The following EPB41L2 variants were observed in gnomAD, a reference collection of about 807,000 sequenced individuals.
EPB41L2 encodes the protein band 4.1-like protein 2.
EPB41L2 carries 43 observed loss-of-function variants against 113.0 expected under a neutral mutation model. The observed-to-expected ratio is 0.38, with a 90% CI of 0.30 to 0.49. EPB41L2 has a LOEUF of 0.49. EPB41L2 is among the 20% of genes least tolerant of loss of function. The pLI is 0.95. For synonymous variants in EPB41L2, 442 were observed against 436.7 expected (o/e 1.01, Z -0.15); for missense variants, 1,147 against 1,223.4 (o/e 0.94, Z 0.93).
At chr6:130,909,274 T>C (rs1472448279) in intron 4 of EPB41L2, among the ~76,000 whole-genome samples, 3 of 152,208 alleles carry the variant, frequency 2.0e-5, no homozygotes, top group South Asian at 4.1e-4. Flanking sequence ...ATTGAAACTG[T>C]TGGCTAAAAG....
chr6:130,883,232 A>C (rs1432549135), intron 12 of EPB41L2: 1 of 152,676 alleles, frequency 6.5e-6, no homozygotes, highest in Non-Finnish European at 1.5e-5. Flanking sequence ...CAAAGGAAAA[A>C]CAGATGCAAG....
intron 1 of EPB41L2, among the ~76,000 whole-genome samples, chr6:130,958,961 C>A (rs1818433787): frequency 6.6e-6 from 1 of 152,200 alleles, no homozygotes; most frequent in Non-Finnish European, 1.5e-5. Context: ...AGCAGAAAGA[C>A]ATCCAGGAGA....
At chr6:130,848,510 A>G (rs901679092) in intron 19 of EPB41L2, among the ~76,000 whole-genome samples, 1 of 152,188 alleles carries the variant, frequency 6.6e-6, no homozygotes, top group African/African-American at 2.4e-5. Flanking sequence ...CTTTTTTCTC[A>G]TGTCTGAAAT....
At chr6:130,954,036 C>CTTTTTTTTTTTTTTT (rs1816328530) in intron 3 of EPB41L2, among the ~76,000 whole-genome samples, 11 of 45,512 alleles carry the variant, frequency 2.4e-4, no homozygotes, top group African/African-American at 5.2e-4. Flanking sequence ...TAGTCCTTTT[C>CTTTTTTTTTTTTTTT]TTTCTTTTTT....
chr6:130,887,086 G>A (rs1162007493), intron 11 of EPB41L2, among the ~76,000 whole-genome samples: 1 of 152,116 alleles, frequency 6.6e-6, no homozygotes, highest in African/African-American at 2.4e-5. Context: ...AAAAAAATCT[G>A]ACCTAGAAAT....
At chr6:131,060,452 G>A (rs1469241440) in intron 1 of EPB41L2, among the ~76,000 whole-genome samples, 2 of 152,196 alleles carry the variant, frequency 1.3e-5, no homozygotes, top group African/African-American at 4.8e-5. Flanking sequence ...GAAAGCAAGT[G>A]GTTGGGTAGT....
intron 1 of EPB41L2, among the ~76,000 whole-genome samples, chr6:130,960,067 A>G (rs1354878185): frequency 6.6e-6 from 1 of 152,220 alleles, no homozygotes; most frequent in Non-Finnish European, 1.5e-5. Flanking sequence ...TCTGTTTCTC[A>G]AAATATTCTA....
Position 130,858,141 on chromosome 6 carries a change from C to A in EPB41L2, c.3013G>T (p.Asp1005Tyr). ...TGAGGGCTCTCTTACCTTACTTAATCTTCCCCTTCCTCAGCCAACTCTGTT... is the reference window on the plus strand; with the variant it reads ...TGAGGGCTCTCTTACCTTACTTAATATTCCCCTTCCTCAGCCAACTCTGTT... ...KETELAEEGE[D>Y] Residue 1005 changes from aspartate (D) to tyrosine (Y), a missense_variant, in exon 19 of 20, where the codon GAT (aspartate) becomes TAT (tyrosine). Physicochemically the swap from Asp to Tyr is radical, Grantham distance 160 (BLOSUM62 -3). Transcript: ENST00000337057. 6.2e-7 allele frequency: 1 copy of A among 1,613,366 alleles called. No individual in the cohort carries two copies. The highest frequency in any genetic ancestry group is 8.5e-7 in the Non-Finnish European group (1 of 1,179,402).
At chr6:131,046,947 G>A (rs1795580653) in intron 1 of EPB41L2, among the ~76,000 whole-genome samples, 1 of 152,134 alleles carries the variant, frequency 6.6e-6, no homozygotes, top group South Asian at 2.1e-4. Flanking sequence ...TAGGATCGGG[G>A]TTTGACGTCG....
At chr6:130,869,503 G>A in intron 15 of EPB41L2, 60 bp downstream of exon 15, 2 of 1,460,776 alleles carry the variant, frequency 1.4e-6, no homozygotes, top group Non-Finnish European at 1.9e-6. Flanking sequence ...AAGAAAGGCA[G>A]GAGTTCCCCA....
At chr6:130,996,919 G>T (rs527655452) in intron 1 of EPB41L2, among the ~76,000 whole-genome samples, 1 of 152,306 alleles carries the variant, frequency 6.6e-6, no homozygotes, top group Non-Finnish European at 1.5e-5. Flanking sequence ...ATGGAAAAAT[G>T]TAGGGTTTTC....
chr6:131,053,890 G>T (rs1797110906), intron 1 of EPB41L2, among the ~76,000 whole-genome samples: 1 of 152,158 alleles, frequency 6.6e-6, no homozygotes, highest in African/African-American at 2.4e-5. Context: ...GCCCTTAATT[G>T]CCAGTTGGTG....
chr6:130,863,658 C>T lies in EPB41L2; in HGVS notation c.2890G>A (p.Gly964Arg), dbSNP rs756853492. 14 of 1,612,694 alleles carry T rather than the reference C, an allele frequency of 8.7e-6. No individual in the cohort carries two copies. The South Asian group carries it at 1.4e-4, about 16-fold the overall frequency. ...TTTACCTGGTCATGATCAATATCTC[C>T]ATCTCCTGTGATCACAATGCGTTTC... The part of the protein sequence containing the change: ...IEKRIVITGD[G>R]DIDHDQALAQ... The change falls in exon 18 of 20, where the codon GGA becomes AGA. Residue 964 changes from glycine (G) to arginine (R), a missense_variant. By Grantham distance (125) the Gly-to-Arg change is moderately radical. Transcript: ENST00000337057.
At chr6:130,841,589 C>T (rs941901816) in intron 19 of EPB41L2, among the ~76,000 whole-genome samples, 2 of 152,178 alleles carry the variant, frequency 1.3e-5, no homozygotes, top group South Asian at 4.1e-4. Flanking sequence ...GCCAGATGGC[C>T]AGGACCCAGA....
intron 5 of EPB41L2, among the ~76,000 whole-genome samples, chr6:130,906,985 C>T (rs1797921936): frequency 6.6e-6 from 1 of 151,998 alleles, no homozygotes; most frequent in Non-Finnish European, 1.5e-5. Flanking sequence ...TGAAACTTCA[C>T]AGATAATCAA....
intron 12 of EPB41L2, chr6:130,882,110 A>G (rs989460692): frequency 2.0e-5 from 3 of 152,218 alleles, no homozygotes; most frequent in Non-Finnish European, 2.9e-5. Context: ...CCTAAATTCT[A>G]TATCAAAACA....
intron 1 of EPB41L2, among the ~76,000 whole-genome samples, chr6:130,986,154 A>G (rs1178137436): frequency 6.6e-6 from 1 of 152,234 alleles, no homozygotes; most frequent in Non-Finnish European, 1.5e-5. Context: ...ATACAAGAGT[A>G]GTGTAACAAA....
At chr6:130,841,202 C>T (rs1775372676) in intron 19 of EPB41L2, among the ~76,000 whole-genome samples, 1 of 141,932 alleles carries the variant, frequency 7.0e-6, no homozygotes, top group Non-Finnish European at 1.5e-5. Flanking sequence ...CTGAGAAGTA[C>T]CAGCTTGATC....
At chr6:130,863,565 G>A (rs1582807489) in intron 18 of EPB41L2, 73 bp downstream of exon 18, 1 of 1,067,966 alleles carries the variant, frequency 9.4e-7, no homozygotes, top group Non-Finnish European at 1.4e-6. Flanking sequence ...ACACAGGTAT[G>A]CGACATGATG....
Sources: gnomAD v4.1 joint callset for allele counts (sites outside exome capture counted in the v4.1 genomes callset) on GRCh38, gnomAD v4.1.1 for gene constraint, MANE v1.5 for transcripts, NCBI Gene and HGNC (gene_info 2026-07-23, HGNC 2026-07-21) for gene names.